KCNH8: variants seen among roughly 807,000 people sequenced by gnomAD.
The protein encoded by KCNH8 is potassium voltage-gated channel subfamily H member 8, also known as voltage-gated delayed rectifier potassium channel KCNH8.
Under a neutral mutation model 103.6 loss-of-function variants are expected in KCNH8, and 70 were observed. The ratio of observed to expected loss-of-function variants is 0.68; its 90% CI spans 0.56 to 0.82. The LOEUF is 0.82. Ranked by LOEUF, KCNH8 falls within the 40% of genes least tolerant of loss-of-function variation. The pLI is 0.00. For synonymous variants in KCNH8, 498 were observed against 489.4 expected, an observed-to-expected ratio of 1.02 and a Z score of -0.23; for missense variants, 1,217 against 1,329.9, an observed-to-expected ratio of 0.92 and a Z score of 1.32.
intron 1 of KCNH8, among the ~76,000 whole-genome samples, chr3:19,203,470 T>G (rs954857650): frequency 6.6e-6 from 1 of 152,090 alleles, no homozygotes; most frequent in Non-Finnish European, 1.5e-5. Context: ...TGCTTTTTGC[T>G]TACCAGACAA....
intron 7 of KCNH8, among the ~76,000 whole-genome samples, chr3:19,410,954 C>A (rs1202779097): frequency 2.0e-5 from 3 of 150,714 alleles, no homozygotes; most frequent in African/African-American, 7.3e-5. Flanking sequence ...AAGCCAGGTA[C>A]CAATTCCACT....
chr3:19,474,952 CA>C (rs2067941362), intron 11 of KCNH8, among the ~76,000 whole-genome samples: 1 of 152,052 alleles, frequency 6.6e-6, no homozygotes, highest in Non-Finnish European at 1.5e-5. Flanking sequence ...AGGATTCTAT[CA>C]AAAAGAGCAA....
intron 5 of KCNH8, among the ~76,000 whole-genome samples, chr3:19,371,327 T>C (rs1574978611): frequency 6.6e-6 from 1 of 152,138 alleles, no homozygotes; most frequent in Admixed American, 6.5e-5. Flanking sequence ...TGGTATCTCA[T>C]TGTGGTTTTG....
chr3:19,331,363 C>A (rs1445742873), intron 3 of KCNH8, among the ~76,000 whole-genome samples: 1 of 151,648 alleles, frequency 6.6e-6, no homozygotes, highest in African/African-American at 2.4e-5. Flanking sequence ...GCAGTCTCAG[C>A]TCACTGCAAC....
At chr3:19,182,462 C>T (rs1214619607) in intron 1 of KCNH8, among the ~76,000 whole-genome samples, 2 of 152,144 alleles carry the variant, frequency 1.3e-5, no homozygotes, top group African/African-American at 4.8e-5. Flanking sequence ...ACCCGGGAGG[C>T]AGAGCTTGCC....
chr3:19,342,607 A>G lies in KCNH8; in HGVS notation c.463A>G (p.Arg155Gly), dbSNP rs753882016. 3 of 1,610,564 alleles carry G rather than the reference A, an allele frequency of 1.9e-6. No homozygotes were observed. The highest frequency in any genetic ancestry group is 2.5e-6 in the Non-Finnish European group (3 of 1,177,670). Residue 155 changes from arginine (R) to glycine (G), a missense_variant, in exon 4 of 16, where the codon AGA (arginine) becomes GGA (glycine). By Grantham distance (125) the Arg-to-Gly change is moderately radical (BLOSUM62 -2). Transcript: ENST00000328405. ...KKEDKVKGRS[R>G]AGTHFDSARR... ...CCCAGACAAAGTCAAAGGAAGATCA[A>G]GAGCAGGGACCCACTTTGACTCAGC...
At chr3:19,320,433 T>A (rs369061275) in intron 3 of KCNH8, among the ~76,000 whole-genome samples, 24 of 152,226 alleles carry the variant, frequency 1.6e-4, no homozygotes, top group African/African-American at 5.3e-4. Flanking sequence ...ATTTTTGTTT[T>A]TAATTCTGTT....
At chr3:19,250,881 C>A (rs182316500) in intron 1 of KCNH8, among the ~76,000 whole-genome samples, 2 of 152,192 alleles carry the variant, frequency 1.3e-5, no homozygotes, top group African/African-American at 4.8e-5. Context: ...TAGGACTTGC[C>A]ATCTGGTAAA....
At position 19,520,247 on chromosome 3, in the gene KCNH8, A is replaced by T. The variant is rs1240440273; in HGVS notation, c.2619+2173A>T. Among the ~76,000 whole-genome samples, 3 of 151,838 alleles carry T rather than the reference A, an allele frequency of 2.0e-5. No individual in the cohort carries two copies. In the East Asian group the frequency reaches 5.8e-4, roughly 29 times the overall value. On this transcript the variant is annotated intron_variant, in intron 15 of 15. Coordinates refer to ENST00000328405, the MANE Select transcript of KCNH8 (RefSeq NM_144633.3). ...CTCCCCTAGCCCCCCGAGATGACAC[A>T]CATCTTTTTATCTTGTCAAACATTT...
intron 3 of KCNH8, among the ~76,000 whole-genome samples, chr3:19,293,361 T>C (rs745687379): frequency 1.3e-5 from 2 of 152,230 alleles, no homozygotes; most frequent in African/African-American, 2.4e-5. Flanking sequence ...GCAATTGTTA[T>C]TGAAACAGAG....
chr3:19,493,579 T>C (rs1559355223), intron 11 of KCNH8, among the ~76,000 whole-genome samples: 1 of 152,146 alleles, frequency 6.6e-6, no homozygotes. Flanking sequence ...GTGAGTCAAT[T>C]ATACCCCTTT....
intron 1 of KCNH8, among the ~76,000 whole-genome samples, chr3:19,169,236 C>G (rs1447887538): frequency 1.3e-5 from 2 of 150,954 alleles, no homozygotes; most frequent in Non-Finnish European, 2.9e-5. Context: ...CCTAATCTCA[C>G]TCTTTTGTTT....
chr3:19,325,837 C>T (rs749974264), intron 3 of KCNH8, among the ~76,000 whole-genome samples: 38 of 152,236 alleles, frequency 2.5e-4, no homozygotes, highest in East Asian at 3.9e-4. Flanking sequence ...TTACTGAGTA[C>T]ATACCCAAAG....
chr3:19,253,567 C>T, intron 1 of KCNH8, 87 bp from the exon 2 acceptor site: 1 of 1,072,424 alleles, frequency 9.3e-7, no homozygotes, highest in Non-Finnish European at 1.4e-6. Flanking sequence ...GCTAGCTAAA[C>T]ACATATGCTG....
intron 1 of KCNH8, among the ~76,000 whole-genome samples, chr3:19,211,790 G>T (rs112765025): frequency 0.015 from 2,324 of 152,142 alleles, 60 homozygotes; most frequent in African/African-American, 0.052. Context: ...AGTCATGCTG[G>T]ATTTCCATTT....
At chr3:19,449,494 C>A (rs1190434372) in intron 8 of KCNH8, among the ~76,000 whole-genome samples, 1 of 151,752 alleles carries the variant, frequency 6.6e-6, no homozygotes, top group Non-Finnish European at 1.5e-5. Context: ...CTCAAGAAAT[C>A]CTCAGTTACA....
chr3:19,533,959 T>C lies in KCNH8; in HGVS notation c.3184T>C (p.Ser1062Pro). ...CAGCTTCAGTCAGGGAACTGTGAGT[T>C]CCTTCAGTCTGGAAAACTTACCAGG... ...EGSFSQGTVS[S>P]FSLENLPGSW... Residue 1062 changes from serine to proline, a missense_variant, in exon 16 of 16, where the codon TCC (serine) becomes CCC (proline). Physicochemically the swap from Ser to Pro is moderately conservative, Grantham distance 74 (BLOSUM62 -1). Coordinates refer to ENST00000328405, the MANE Select transcript of KCNH8 (RefSeq NM_144633.3). The C allele has an allele frequency of 6.2e-7, 1 of 1,614,146 alleles. No homozygotes were observed. The highest frequency in any genetic ancestry group is 1.1e-5 in the South Asian group (1 of 91,090).
At chr3:19,314,556 C>A (rs1046036802) in intron 3 of KCNH8, among the ~76,000 whole-genome samples, 2 of 151,880 alleles carry the variant, frequency 1.3e-5, no homozygotes, top group African/African-American at 4.8e-5. Flanking sequence ...TGCTACAGAA[C>A]AAAACCCTGT....
At chr3:19,185,778 A>C (rs1439269796) in intron 1 of KCNH8, among the ~76,000 whole-genome samples, 1 of 151,974 alleles carries the variant, frequency 6.6e-6, no homozygotes, top group African/African-American at 2.4e-5. Context: ...GAATTCCTAC[A>C]TTCTAATTAC....
Sources: gnomAD v4.1 joint callset for allele counts (sites outside exome capture counted in the v4.1 genomes callset) on GRCh38, gnomAD v4.1.1 for gene constraint, MANE v1.5 for transcripts, NCBI Gene and HGNC (gene_info 2026-07-23, HGNC 2026-07-21) for gene names.